Variants in GALNTL6 observed in about 807,000 individuals in gnomAD.
GALNTL6 encodes the protein polypeptide N-acetylgalactosaminyltransferase-like 6.
Under a neutral mutation model 73.7 loss-of-function variants are expected in GALNTL6, and 46 were observed. That is an observed-to-expected ratio of 0.62 (90% confidence interval 0.49 to 0.80). The LOEUF (loss-of-function observed/expected upper bound fraction) is 0.80, where lower values mean the gene tolerates loss of function less well. Ranked by LOEUF, GALNTL6 falls within the 30% of genes least tolerant of loss-of-function variation. The probability of loss-of-function intolerance (pLI) is 0.00; values close to 1 mark genes in which losing one functional copy is unlikely to be tolerated. For missense variants in GALNTL6, 604 were observed against 755.0 expected (o/e 0.80, Z 2.34); for synonymous variants, 259 against 263.7 (o/e 0.98, Z 0.17).
Position 172,738,870 on chromosome 4 carries a change from A to G in GALNTL6, c.554-70491A>G, listed in dbSNP as rs562653742. Among the ~76,000 whole-genome samples the G allele has an allele frequency of 2.2e-4, 34 of 152,336 alleles. 1 individual carries two copies. In the South Asian group the frequency reaches 5.6e-3, roughly 25 times the overall value. On this transcript the variant is annotated intron_variant, in intron 5 of 12. Coordinates refer to ENST00000506823, the MANE Select transcript of GALNTL6 (RefSeq NM_001034845.3). ...GGAGTGGTGCTTCCAGGCTACAGGC[A>G]GATTTAAAAATTTTCTGATTGGAAA...
chr4:171,883,601 G>A (rs562519488), intron 2 of GALNTL6, among the ~76,000 whole-genome samples: 1 of 151,520 alleles, frequency 6.6e-6, no homozygotes, highest in Non-Finnish European at 1.5e-5. Flanking sequence ...CTGAAAATAG[G>A]TTTGTCTGAG....
chr4:172,913,580 AACT>A (rs1395713706), intron 8 of GALNTL6, among the ~76,000 whole-genome samples: 13 of 152,210 alleles, frequency 8.5e-5, no homozygotes, highest in African/African-American at 3.1e-4. Context: ...ATGGCACGAG[AACT>A]ACGTGACGCA....
At chr4:172,418,295 A>G (rs1255150165) in intron 5 of GALNTL6, among the ~76,000 whole-genome samples, 1 of 152,134 alleles carries the variant, frequency 6.6e-6, no homozygotes, top group Non-Finnish European at 1.5e-5. Context: ...TTACCCTCTC[A>G]TTGAAGAATA....
intron 5 of GALNTL6, among the ~76,000 whole-genome samples, chr4:172,533,341 T>TTTTG (rs1205403460): frequency 6.9e-6 from 1 of 145,734 alleles, no homozygotes; most frequent in Non-Finnish European, 1.5e-5. Context: ...TTTTTTTTTT[T>TTTTG]TGAGATGGAG....
intron 8 of GALNTL6, among the ~76,000 whole-genome samples, chr4:172,918,286 A>C (rs189813392): frequency 6.6e-6 from 1 of 152,164 alleles, no homozygotes; most frequent in African/African-American, 2.4e-5. Context: ...TACCTAATGT[A>C]AATGATGAGT....
At chr4:172,668,567 C>A (rs901272471) in intron 5 of GALNTL6, 1 of 152,126 alleles carries the variant, frequency 6.6e-6, no homozygotes, top group Non-Finnish European at 1.5e-5. Flanking sequence ...TCTGGCAGAC[C>A]TGTGGTGCCT....
At chr4:172,773,960 T>A (rs1738921765) in intron 5 of GALNTL6, among the ~76,000 whole-genome samples, 1 of 135,134 alleles carries the variant, frequency 7.4e-6, no homozygotes, top group Non-Finnish European at 1.6e-5. Flanking sequence ...ATTGTGATAG[T>A]TTAAAAGAGA....
chr4:173,032,820 T>C (rs1057213146), intron 12 of GALNTL6, among the ~76,000 whole-genome samples: 4 of 125,738 alleles, frequency 3.2e-5, no homozygotes, highest in African/African-American at 1.5e-4. Context: ...TCAGGATTGA[T>C]TTTTTTTTTT....
intron 7 of GALNTL6, among the ~76,000 whole-genome samples, chr4:172,857,207 C>T (rs922107884): frequency 6.6e-6 from 1 of 152,172 alleles, no homozygotes; most frequent in Non-Finnish European, 1.5e-5. Context: ...ATTATAATTA[C>T]CTTTTATTCC....
At chr4:172,448,230 C>T (rs958029167) in intron 5 of GALNTL6, among the ~76,000 whole-genome samples, 3 of 152,124 alleles carry the variant, frequency 2.0e-5, no homozygotes, top group Non-Finnish European at 4.4e-5. Flanking sequence ...CTGTGAGTGA[C>T]AAAGTCCAGA....
chr4:172,372,372 G>C (rs1013561972), intron 5 of GALNTL6, among the ~76,000 whole-genome samples: 3 of 152,190 alleles, frequency 2.0e-5, no homozygotes, highest in African/African-American at 7.2e-5. Context: ...GTAGGCAGTT[G>C]TCTGATAGCC....
chr4:172,679,506 AC>A (rs1732508496), intron 5 of GALNTL6, among the ~76,000 whole-genome samples: 1 of 152,016 alleles, frequency 6.6e-6, no homozygotes. Context: ...CTGGTCTAAA[AC>A]ATTGACAGAG....
intron 2 of GALNTL6, among the ~76,000 whole-genome samples, chr4:171,903,979 C>A (rs1206267954): frequency 1.3e-5 from 2 of 152,074 alleles, no homozygotes; most frequent in Non-Finnish European, 2.9e-5. Flanking sequence ...ACATCCACAC[C>A]AAAAACCCAT....
chr4:172,627,803 A>C (rs750935985), intron 5 of GALNTL6, among the ~76,000 whole-genome samples: 54 of 151,958 alleles, frequency 3.6e-4, no homozygotes, highest in Non-Finnish European at 6.5e-4. Flanking sequence ...GGAGTTCTAT[A>C]ATAGTCTCTG....
chr4:172,135,849 C>T (rs72700946), intron 2 of GALNTL6, among the ~76,000 whole-genome samples: 3,179 of 152,252 alleles, frequency 0.021, 34 homozygotes, highest in Non-Finnish European at 0.031. Flanking sequence ...TCACATTCCT[C>T]TCACACTGAG....
intron 2 of GALNTL6, among the ~76,000 whole-genome samples, chr4:171,990,006 A>G (rs1028878279): frequency 6.6e-6 from 1 of 152,110 alleles, no homozygotes; most frequent in Admixed American, 6.5e-5. Flanking sequence ...TCACGGAAGG[A>G]AACAGTAAGC....
At chr4:172,719,475 A>AACATTTAAAAAAAAACACTGCTTT (rs1735318733) in intron 5 of GALNTL6, among the ~76,000 whole-genome samples, 1 of 152,200 alleles carries the variant, frequency 6.6e-6, no homozygotes, top group Non-Finnish European at 1.5e-5. Context: ...CCTATAGACA[A>AACATTTAAAAAAAAACACTGCTTT]ACATTTAAAA....
At chr4:172,430,226 C>T (rs1335734721) in intron 5 of GALNTL6, among the ~76,000 whole-genome samples, 1 of 151,964 alleles carries the variant, frequency 6.6e-6, no homozygotes, top group East Asian at 1.9e-4. Context: ...ATGAATCTGA[C>T]ACAGACTATT....
chr4:172,050,114 T>C (rs1158842105), intron 2 of GALNTL6, among the ~76,000 whole-genome samples: 2 of 152,140 alleles, frequency 1.3e-5, no homozygotes, highest in Non-Finnish European at 2.9e-5. Context: ...ACTTTAGTAG[T>C]GGTAACTTTG....
Sources: gnomAD v4.1 joint callset for allele counts (sites outside exome capture counted in the v4.1 genomes callset) on GRCh38, gnomAD v4.1.1 for gene constraint, MANE v1.5 for transcripts, NCBI Gene and HGNC (gene_info 2026-07-23, HGNC 2026-07-21) for gene names.